The following CHRM3 variants were observed in gnomAD, a reference collection of about 807,000 sequenced individuals.
CHRM3 encodes the protein cholinergic receptor muscarinic 3.
Under a neutral mutation model 41.8 loss-of-function variants are expected in CHRM3, and 11 were observed. The ratio of observed to expected loss-of-function variants is 0.26; its 90% CI spans 0.17 to 0.44. CHRM3 has a LOEUF of 0.44. Ranked by LOEUF, CHRM3 falls within the 20% of genes least tolerant of loss-of-function variation. The pLI is 1.00. For synonymous variants in CHRM3, 297 were observed against 301.4 expected, an observed-to-expected ratio of 0.99 and a Z score of 0.15; for missense variants, 571 against 745.4, an observed-to-expected ratio of 0.77 and a Z score of 2.72.
chr1:239,861,508 A>G (rs1675637940), intron 6 of CHRM3, among the ~76,000 whole-genome samples: 1 of 152,132 alleles, frequency 6.6e-6, no homozygotes, highest in African/African-American at 2.4e-5. Context: ...AGAATGCAAG[A>G]ATGGTGCAGA....
At chr1:239,690,342 C>T (rs929409980) in intron 5 of CHRM3, among the ~76,000 whole-genome samples, 7 of 152,058 alleles carry the variant, frequency 4.6e-5, no homozygotes, top group African/African-American at 1.4e-4. Flanking sequence ...GCCTCAGTAT[C>T]CCGAGTAGCT....
At chr1:239,643,932 C>T (rs1002731963) in intron 4 of CHRM3, among the ~76,000 whole-genome samples, 3 of 152,186 alleles carry the variant, frequency 2.0e-5, no homozygotes, top group Non-Finnish European at 4.4e-5. Flanking sequence ...TTGATAGTCA[C>T]TATCTGTGTG....
Position 239,632,255 on chromosome 1 carries a change from GAC to G in CHRM3, c.-279_-278del, listed in dbSNP as rs1669935607. On this transcript the variant is annotated 5_prime_UTR_variant, in exon 4 of 7. It removes the in-frame stop codon of an upstream open reading frame in the 5' UTR. Coordinates refer to ENST00000676153, the MANE Select transcript of CHRM3 (RefSeq NM_001375978.1). The stretch of plus-strand genomic sequence containing the variant: ...TGTTCTGATTAGTGGCCAAATAAAT[GAC>G]AGTCAGAACTTCAGCTAAGGTACAA... 6.6e-6 allele frequency: 1 copy of G among 152,150 alleles called. No homozygotes were observed. Among genetic ancestry groups the G allele is most frequent in the Non-Finnish European group, 1.5e-5 (1 of 68,028 alleles). The allele number at this position is 152,150 out of a possible 1,614,324, so 9.4% of individuals were successfully genotyped here. A position where few individuals can be genotyped will look rare whatever the true frequency, so the allele number is the denominator to read the frequency against.
chr1:239,803,844 C>A (rs779378110), intron 5 of CHRM3, among the ~76,000 whole-genome samples: 1 of 152,154 alleles, frequency 6.6e-6, no homozygotes, highest in Non-Finnish European at 1.5e-5. Flanking sequence ...ACCCACCCAC[C>A]CTCTCAGAAC....
chr1:239,402,850 T>C (rs1660093890), intron 1 of CHRM3, among the ~76,000 whole-genome samples: 1 of 152,242 alleles, frequency 6.6e-6, no homozygotes, highest in African/African-American at 2.4e-5. Flanking sequence ...AGATTACTTA[T>C]AATACCTAAT....
intron 6 of CHRM3, among the ~76,000 whole-genome samples, chr1:239,871,473 G>A (rs1039824954): frequency 2.0e-5 from 3 of 151,938 alleles, no homozygotes; most frequent in African/African-American, 7.3e-5. Flanking sequence ...ATCTCTTGAC[G>A]TTGTCATCTG....
chr1:239,551,232 G>A (rs946333107), intron 3 of CHRM3, among the ~76,000 whole-genome samples: 4 of 135,270 alleles, frequency 3.0e-5, no homozygotes, highest in Admixed American at 8.6e-5. Context: ...GCGTGATCTC[G>A]GCTTACTGCA....
At chr1:239,875,600 A>C (rs2149345176) in intron 6 of CHRM3, among the ~76,000 whole-genome samples, 1 of 152,344 alleles carries the variant, frequency 6.6e-6, no homozygotes, top group African/African-American at 2.4e-5. Context: ...CCATGGAATC[A>C]TGTCACAATG....
intron 4 of CHRM3, among the ~76,000 whole-genome samples, chr1:239,634,013 T>C (rs1225308649): frequency 1.3e-5 from 2 of 152,206 alleles, no homozygotes; most frequent in East Asian, 3.8e-4. Context: ...TTCCATTTTA[T>C]GTATGAGGAA....
chr1:239,649,444 C>T (rs368782393), intron 4 of CHRM3, among the ~76,000 whole-genome samples: 3 of 151,574 alleles, frequency 2.0e-5, no homozygotes, highest in Non-Finnish European at 4.4e-5. Context: ...ATAGAAAAGA[C>T]GTAAGTCTGA....
At chr1:239,538,441 A>G (rs1439970344) in intron 2 of CHRM3, among the ~76,000 whole-genome samples, 1 of 152,206 alleles carries the variant, frequency 6.6e-6, no homozygotes, top group African/African-American at 2.4e-5. Context: ...CTATTGTGAC[A>G]GCTCTGATTC....
intron 1 of CHRM3, among the ~76,000 whole-genome samples, chr1:239,447,571 C>T (rs944904994): frequency 1.3e-5 from 2 of 152,080 alleles, no homozygotes; most frequent in African/African-American, 4.8e-5. Context: ...ATTTATTGTT[C>T]GTGACCAGCC....
intron 1 of CHRM3, among the ~76,000 whole-genome samples, chr1:239,448,871 G>A (rs1299118219): frequency 6.6e-6 from 1 of 152,140 alleles, no homozygotes. Flanking sequence ...AGAAACTTTA[G>A]ACCAAAACTC....
In CHRM3 at chr1:239,826,097, G is replaced by A. The variant is rs74149235; in HGVS notation, c.-146-1155G>A. Among the ~76,000 whole-genome samples the A allele has an allele frequency of 5.1e-3, 780 of 152,168 alleles. 6 individuals carry two copies. The highest frequency in any genetic ancestry group is 0.017 in the African/African-American group (716 of 41,494). On this transcript the variant is annotated intron_variant, in intron 5 of 6. Transcript: ENST00000676153. Reference sequence around the variant, plus strand: ...TTAGTGGATAAAGAGTTTCAGTTTCGCAAGATGAAAAACATTCTAGGGAAG... The same window carrying A: ...TTAGTGGATAAAGAGTTTCAGTTTCACAAGATGAAAAACATTCTAGGGAAG...
intron 5 of CHRM3, among the ~76,000 whole-genome samples, chr1:239,709,383 T>C (rs1283349981): frequency 6.6e-6 from 1 of 152,220 alleles, no homozygotes; most frequent in Non-Finnish European, 1.5e-5. Context: ...AGTCATACTC[T>C]TGACAATCAC....
chr1:239,449,702 G>T (rs1664419728), intron 1 of CHRM3, among the ~76,000 whole-genome samples: 1 of 151,768 alleles, frequency 6.6e-6, no homozygotes, highest in African/African-American at 2.4e-5. Context: ...AATTTTCTCA[G>T]CTTTCTATTT....
At chr1:239,532,582 G>A (rs954034965) in intron 2 of CHRM3, among the ~76,000 whole-genome samples, 4 of 147,870 alleles carry the variant, frequency 2.7e-5, no homozygotes, top group Non-Finnish European at 4.5e-5. Flanking sequence ...TCGAGGTCAC[G>A]CCACTGCACT....
At chr1:239,459,249 AAC>A (rs918664785) in intron 1 of CHRM3, among the ~76,000 whole-genome samples, 2 of 152,176 alleles carry the variant, frequency 1.3e-5, no homozygotes, top group Non-Finnish European at 2.9e-5. Context: ...ATTTTCAAAT[AAC>A]AGTCATAATT....
intron 3 of CHRM3, among the ~76,000 whole-genome samples, chr1:239,629,824 C>T (rs915133692): frequency 1.3e-5 from 2 of 152,090 alleles, no homozygotes; most frequent in Non-Finnish European, 2.9e-5. Context: ...TATTCTGTCT[C>T]TAGTTTTGTT....
Sources: gnomAD v4.1 joint callset for allele counts (sites outside exome capture counted in the v4.1 genomes callset) on GRCh38, gnomAD v4.1.1 for gene constraint, MANE v1.5 for transcripts, NCBI Gene and HGNC (gene_info 2026-07-23, HGNC 2026-07-21) for gene names.